Variants in GTF3C1 observed in about 807,000 individuals in gnomAD.
GTF3C1 encodes the protein general transcription factor IIIC subunit 1.
GTF3C1 carries 57 observed loss-of-function variants against 226.7 expected under a neutral mutation model. The ratio of observed to expected loss-of-function variants is 0.25; its 90% CI spans 0.20 to 0.31. The LOEUF is 0.31. Ranked by LOEUF, GTF3C1 falls within the 10% of genes least tolerant of loss-of-function variation. The probability of loss-of-function intolerance (pLI) is 1.00; values close to 1 mark genes in which losing one functional copy is unlikely to be tolerated. For synonymous variants in GTF3C1, 1,090 were observed against 1,084.8 expected (o/e 1.00, Z -0.09); for missense variants, 2,217 against 2,776.1 (o/e 0.80, Z 4.53).
rs1226171664 is a variant in GTF3C1, at chr16:27,506,088, T to G, written c.1581A>C (p.Pro527=). ...KGGWKVVNLH[P]LKKQPPSFPG... is the part of the protein sequence containing the mutation. Reference sequence around the variant, plus strand: ...GGAAGGAGGGCGGCTGCTTTTTCAATGGGTGTAGGTTTACAACTTTCCACC... The same window carrying G: ...GGAAGGAGGGCGGCTGCTTTTTCAAGGGGTGTAGGTTTACAACTTTCCACC... The change falls in exon 10 of 37, where the codon CCA becomes CCC. Residue 527 remains proline, a synonymous_variant. Coordinates refer to ENST00000356183, the MANE Select transcript of GTF3C1 (RefSeq NM_001520.4). The G allele has an allele frequency of 1.9e-6, 3 of 1,612,432 alleles. No individual in the cohort carries two copies. Among genetic ancestry groups the G allele is most frequent in the South Asian group, 2.2e-5 (2 of 91,046 alleles).
chr16:27,522,619 C>T (rs2141428897), intron 6 of GTF3C1, among the ~76,000 whole-genome samples: 1 of 152,262 alleles, frequency 6.6e-6, no homozygotes, highest in Non-Finnish European at 1.5e-5. Flanking sequence ...TTAGCATCAG[C>T]CTGTTAATTT....
intron 15 of GTF3C1, 27 bp from the exon 16 acceptor site, chr16:27,494,935 CG>C: frequency 6.2e-7 from 1 of 1,605,178 alleles, no homozygotes; most frequent in Non-Finnish European, 8.5e-7. Flanking sequence ...CGGTTACCCC[CG>C]GCAGCCAGGA....
chr16:27,504,628 A>G (rs2088456338), intron 10 of GTF3C1, among the ~76,000 whole-genome samples: 1 of 152,202 alleles, frequency 6.6e-6, no homozygotes, highest in African/African-American at 2.4e-5. Context: ...TGAATGAAAC[A>G]GCAGTGGCCA....
rs114078454 is a variant in GTF3C1, at chr16:27,468,310, A to G, written c.5074+981T>C. 7.0e-3 allele frequency among the ~76,000 whole-genome samples: 1,064 copies of G among 152,326 alleles called. 15 individuals are homozygous for G. Among genetic ancestry groups the G allele is most frequent in the African/African-American group, 0.024 (1,010 of 41,568 alleles). ...CTGAGAACATCATTGAAATGGCAAC[A>G]AAGGATTTAGAATATTACATAAACT... On this transcript the variant is annotated intron_variant, in intron 32 of 36. Coordinates refer to ENST00000356183, the MANE Select transcript of GTF3C1 (RefSeq NM_001520.4).
In GTF3C1 at chr16:27,498,648, T is replaced by C. The variant is rs147208012; in HGVS notation, c.2147A>G (p.Asn716Ser). The C allele has an allele frequency of 3.9e-5, 62 of 1,589,012 alleles. No individual in the cohort carries two copies. Among genetic ancestry groups the C allele is most frequent in the South Asian group, 3.1e-4 (28 of 90,612 alleles). ...AIEQVRFRISNSSTANRVKTS... is the reference protein window; with the variant it reads ...AIEQVRFRISSSSTANRVKTS... ...CACTTGCCTGTTGGCTGTGCTTGAA[T>C]TGGAGATCCGGAAGCGGACCTGCTC... Residue 716 changes from asparagine to serine, a missense_variant, in exon 13 of 37, where the codon AAT (asparagine) becomes AGT (serine). Physicochemically the swap from Asn to Ser is conservative, Grantham distance 46. Around this residue, in one of 12 missense-constraint regions of GTF3C1, gnomAD observed 100 missense variants for 139.9 expected, o/e 0.71. Transcript: ENST00000356183.
intron 4 of GTF3C1, among the ~76,000 whole-genome samples, chr16:27,535,327 C>T (rs975714929): frequency 2.0e-4 from 31 of 152,180 alleles, no homozygotes; most frequent in African/African-American, 7.0e-4. Flanking sequence ...AATCCCAGCA[C>T]TTTGGGAGGC....
At chr16:27,472,069 A>T (rs1289089296) in intron 29 of GTF3C1, 149 bp from the exon 30 acceptor site, 5 of 652,574 alleles carry the variant, frequency 7.7e-6, no homozygotes, top group Admixed American at 2.5e-5. Flanking sequence ...TGTGTCAGTG[A>T]GTGTGTGTGT....
intron 20 of GTF3C1, 68 bp from the exon 21 acceptor site, chr16:27,489,246 T>C: frequency 6.4e-7 from 1 of 1,553,836 alleles, no homozygotes; most frequent in South Asian, 1.1e-5. Flanking sequence ...GCCCATGGCA[T>C]GGGTTGAGGG....
intron 6 of GTF3C1, among the ~76,000 whole-genome samples, chr16:27,528,066 G>T (rs944833065): frequency 6.6e-6 from 1 of 152,056 alleles, no homozygotes; most frequent in East Asian, 1.9e-4. Flanking sequence ...CTGAGGTCAG[G>T]AGTTCAAGAC....
intron 28 of GTF3C1, among the ~76,000 whole-genome samples, chr16:27,478,263 A>T (rs754858334): frequency 1.3e-5 from 2 of 152,224 alleles, no homozygotes; most frequent in Non-Finnish European, 2.9e-5. Flanking sequence ...AATTGTTCAA[A>T]GGTCAACTGT....
Position 27,502,909 on chromosome 16 carries a change from A to G in GTF3C1, c.1857T>C (p.Asn619=), listed in dbSNP as rs2088428639. Reference sequence around the variant, plus strand: ...GATTGGTGACAGCTTCTATGATCAGATTCCTGCGTTTCAGCAGTCGGTAAG... The same window carrying G: ...GATTGGTGACAGCTTCTATGATCAGGTTCCTGCGTTTCAGCAGTCGGTAAG... The part of the protein sequence containing the change: ...HETYRLLKRR[N]LIIEAVTNLR... The change falls in exon 11 of 37, where the codon AAT becomes AAC. Residue 619 remains asparagine, a synonymous_variant. Transcript: ENST00000356183. 3.1e-6 allele frequency: 5 copies of G among 1,612,206 alleles called. No homozygotes were observed. In the African/African-American group the frequency reaches 6.7e-5, roughly 21 times the overall value.
intron 23 of GTF3C1, among the ~76,000 whole-genome samples, chr16:27,486,518 G>C: frequency 6.6e-6 from 1 of 152,266 alleles, no homozygotes; most frequent in Admixed American, 6.5e-5. Context: ...CGTACCCACC[G>C]AGTGAGCAGG....
In GTF3C1 at chr16:27,493,228, C is replaced by T; in HGVS notation, c.2847G>A (p.Arg949=). Residue 949 remains arginine (R), a synonymous_variant, in exon 17 of 37, where the codon AGG becomes AGA. Transcript: ENST00000356183. ...TGTACAGAAGCTGCTGCCGAATGGG[C>T]CTGGGGAGAAAGCGGATCAGCGTGT... is the stretch of plus-strand genomic sequence containing the variant. ...KKHTLIRFLP[R]PIRQQLLYKR... is the part of the protein sequence containing the mutation. 6.2e-7 allele frequency: 1 copy of T among 1,610,888 alleles called. No individual in the cohort carries two copies. The highest frequency in any genetic ancestry group is 8.5e-7 in the Non-Finnish European group (1 of 1,177,080).
At chr16:27,489,465 C>T in intron 20 of GTF3C1, 137 bp downstream of exon 20, 1 of 660,376 alleles carries the variant, frequency 1.5e-6, no homozygotes, top group South Asian at 1.9e-5. Flanking sequence ...TGTCTGGAGC[C>T]AGCCATCTGC....
chr16:27,473,743 A>G (rs1473050054), intron 29 of GTF3C1, among the ~76,000 whole-genome samples: 1 of 152,204 alleles, frequency 6.6e-6, no homozygotes, highest in Non-Finnish European at 1.5e-5. Flanking sequence ...AAGCCTGTGC[A>G]ACTTGCTTCC....
chr16:27,477,958 C>T (rs1012819864), intron 28 of GTF3C1, among the ~76,000 whole-genome samples: 19 of 152,242 alleles, frequency 1.2e-4, no homozygotes, highest in Admixed American at 3.3e-4. Flanking sequence ...TCACTTGAGG[C>T]CAGGAGTTCC....
chr16:27,485,965 C>A, intron 24 of GTF3C1, 32 bp downstream of exon 24: 1 of 1,513,906 alleles, frequency 6.6e-7, no homozygotes, highest in Admixed American at 1.9e-5. Context: ...GAGTGAGGGG[C>A]AGGCCCACCG....
chr16:27,474,286 A>T (rs2087920575), intron 29 of GTF3C1, among the ~76,000 whole-genome samples: 1 of 152,232 alleles, frequency 6.6e-6, no homozygotes, highest in African/African-American at 2.4e-5. Flanking sequence ...CAGAGTGACT[A>T]GGCCTTCGGT....
At position 27,483,040 on chromosome 16, in the gene GTF3C1, C is replaced by T. The variant is rs368611148; in HGVS notation, c.4083+4G>A. On this transcript the variant is annotated splice_donor_region_variant and intron_variant, in intron 26 of 36. Transcript: ENST00000356183. Reference sequence around the variant, plus strand: ...ACCAAGCCCTACACTCACACAGGACCTACCTTTGGGTCATCATAGTCACCT... The same window carrying T: ...ACCAAGCCCTACACTCACACAGGACTTACCTTTGGGTCATCATAGTCACCT... The T allele has an allele frequency of 1.2e-6, 2 of 1,613,684 alleles. No homozygotes were observed. The highest frequency in any genetic ancestry group is 1.7e-6 in the Non-Finnish European group (2 of 1,179,680).
Sources: gnomAD v4.1 joint callset for allele counts (sites outside exome capture counted in the v4.1 genomes callset) on GRCh38, gnomAD v4.1.1 for gene constraint, gnomAD v4.1.1 regional missense constraint, MANE v1.5 for transcripts, NCBI Gene and HGNC (gene_info 2026-07-23, HGNC 2026-07-21) for gene names.